IFTAP: variants seen among roughly 807,000 people sequenced by gnomAD.
The protein encoded by IFTAP is intraflagellar transport-associated protein.
IFTAP carries 19 observed loss-of-function variants against 19.4 expected under a neutral mutation model. The ratio of observed to expected loss-of-function variants is 0.98; its 90% CI spans 0.68 to 1.44. The LOEUF is 1.44. IFTAP is among the 40% of genes most tolerant of loss of function. The probability of loss-of-function intolerance (pLI) is 0.00; values close to 1 mark genes in which losing one functional copy is unlikely to be tolerated. For synonymous variants in IFTAP, 85 were observed against 83.5 expected (o/e 1.02, Z -0.10); for missense variants, 240 against 253.6 (o/e 0.95, Z 0.36).
chr11:36,654,510 T>A (rs1390863117), intron 5 of IFTAP, among the ~76,000 whole-genome samples: 1 of 152,098 alleles, frequency 6.6e-6, no homozygotes, highest in East Asian at 1.9e-4. Flanking sequence ...CCCCGACTCC[T>A]TTGGGTTTTC....
At chr11:36,612,555 T>A (rs1851913028) in intron 2 of IFTAP, among the ~76,000 whole-genome samples, 1 of 152,050 alleles carries the variant, frequency 6.6e-6, no homozygotes, top group Non-Finnish European at 1.5e-5. Context: ...AAAATTCCTA[T>A]TTTCCCTGCT....
intron 2 of IFTAP, among the ~76,000 whole-genome samples, chr11:36,615,710 G>C (rs1852055682): frequency 7.2e-6 from 1 of 139,530 alleles, no homozygotes; most frequent in Non-Finnish European, 1.5e-5. Context: ...CTCATGATTT[G>C]GCTCTCTGTC....
chr11:36,632,835 G>A (rs1215619654), intron 2 of IFTAP, among the ~76,000 whole-genome samples: 8 of 151,136 alleles, frequency 5.3e-5, no homozygotes, highest in African/African-American at 2.0e-4. Flanking sequence ...GATAGCCACT[G>A]AAAAAACTTT....
At chr11:36,620,935 ATAAAT>A (rs143158772) in intron 2 of IFTAP, among the ~76,000 whole-genome samples, 17,184 of 151,920 alleles carry the variant, frequency 0.11, 1,141 homozygotes, top group African/African-American at 0.17. Context: ...ATGTATACAT[ATAAAT>A]TAGAGAGTTG....
At chr11:36,599,863 A>G (rs1851439250) in intron 1 of IFTAP, among the ~76,000 whole-genome samples, 1 of 152,250 alleles carries the variant, frequency 6.6e-6, no homozygotes, top group South Asian at 2.1e-4. Context: ...AACCATAAGG[A>G]CAACTGTCAT....
chr11:36,603,175 C>T (rs1214652734), intron 1 of IFTAP, among the ~76,000 whole-genome samples: 1 of 152,070 alleles, frequency 6.6e-6, no homozygotes, highest in African/African-American at 2.4e-5. Context: ...TGCTGGTGAA[C>T]AGAAGGGCTT....
At chr11:36,620,678 A>AG (rs1186171848) in intron 2 of IFTAP, among the ~76,000 whole-genome samples, 1 of 152,002 alleles carries the variant, frequency 6.6e-6, no homozygotes, top group Non-Finnish European at 1.5e-5. Context: ...AAATGTATTT[A>AG]AATGTGCATG....
At chr11:36,658,982 T>C in intron 5 of IFTAP, 37 bp from the exon 6 acceptor site, 1 of 1,429,002 alleles carries the variant, frequency 7.0e-7, no homozygotes, top group Non-Finnish European at 9.4e-7. Context: ...TTTACAATGA[T>C]TGTGTATGTT....
chr11:36,630,239 G>T (rs912535038), intron 2 of IFTAP, among the ~76,000 whole-genome samples: 1 of 151,328 alleles, frequency 6.6e-6, no homozygotes. Context: ...ATTGTGCCAA[G>T]ATATTTATTA....
Position 36,652,782 on chromosome 11 carries a change from A to G in IFTAP, c.498+4627A>G, listed in dbSNP as rs377159820. Among the ~76,000 whole-genome samples the G allele has an allele frequency of 1.2e-3, 189 of 152,256 alleles. 1 individual carries two copies. The South Asian group carries it at 0.026, about 21-fold the overall frequency. ...CATGAAGGGCTGTTGAATTTTGTCA[A>G]AGGCCTTTTCTGCATCTATTGAGAT... is the stretch of plus-strand genomic sequence containing the variant. On this transcript the variant is annotated intron_variant, in intron 5 of 5. Transcript: ENST00000334307.
At chr11:36,653,829 A>G (rs1157502890) in intron 5 of IFTAP, among the ~76,000 whole-genome samples, 1 of 152,198 alleles carries the variant, frequency 6.6e-6, no homozygotes, top group East Asian at 1.9e-4. Flanking sequence ...CCATGCATAT[A>G]GTAGGCATAC....
chr11:36,620,246 A>G (rs1852243697), intron 2 of IFTAP, among the ~76,000 whole-genome samples: 1 of 152,064 alleles, frequency 6.6e-6, no homozygotes, highest in Non-Finnish European at 1.5e-5. Context: ...CATCACATAG[A>G]ACACTGAAGG....
intron 1 of IFTAP, among the ~76,000 whole-genome samples, chr11:36,596,559 A>G (rs2133330979): frequency 6.6e-6 from 1 of 152,314 alleles, no homozygotes; most frequent in Non-Finnish European, 1.5e-5. Flanking sequence ...ATTCATAGAA[A>G]CTAAAAGGAG....
chr11:36,595,357 A>T (rs1173418575), intron 1 of IFTAP: 1 of 152,258 alleles, frequency 6.6e-6, no homozygotes, highest in Admixed American at 6.5e-5. Flanking sequence ...TATTTACTAG[A>T]TGAAGGAAGC....
chr11:36,615,034 A>G (rs1296749491), intron 2 of IFTAP, among the ~76,000 whole-genome samples: 4 of 136,608 alleles, frequency 2.9e-5, no homozygotes, highest in African/African-American at 1.2e-4. Context: ...GTTTTCTTCT[A>G]GGGTTTTTAT....
At chr11:36,605,634 G>T (rs536885903) in intron 1 of IFTAP, among the ~76,000 whole-genome samples, 1 of 152,334 alleles carries the variant, frequency 6.6e-6, no homozygotes, top group African/African-American at 2.4e-5. Context: ...TTGGCAAAAA[G>T]TGAACCCTAT....
At chr11:36,604,375 T>C (rs903341215) in intron 1 of IFTAP, among the ~76,000 whole-genome samples, 2 of 152,244 alleles carry the variant, frequency 1.3e-5, no homozygotes, top group African/African-American at 4.8e-5. Flanking sequence ...GCTCATAACT[T>C]GAAGTGCAGC....
chr11:36,611,515 G>A (rs1175034631), intron 2 of IFTAP, among the ~76,000 whole-genome samples: 1 of 152,026 alleles, frequency 6.6e-6, no homozygotes, highest in Non-Finnish European at 1.5e-5. Context: ...GTGTCCCAAA[G>A]AAATGTAAAA....
chr11:36,630,076 C>A (rs1484188683), intron 2 of IFTAP, among the ~76,000 whole-genome samples: 2 of 151,170 alleles, frequency 1.3e-5, no homozygotes, highest in Non-Finnish European at 2.9e-5. Flanking sequence ...ATGAGACGAA[C>A]CCTTGGGTGG....
Sources: gnomAD v4.1 joint callset for allele counts (sites outside exome capture counted in the v4.1 genomes callset) on GRCh38, gnomAD v4.1.1 for gene constraint, MANE v1.5 for transcripts, NCBI Gene and HGNC (gene_info 2026-07-23, HGNC 2026-07-21) for gene names.